Variants in SCGB2B2 observed in about 807,000 individuals in gnomAD.
The protein encoded by SCGB2B2 is secretoglobin-like protein.
Under a neutral mutation model 7.6 loss-of-function variants are expected in SCGB2B2, and 11 were observed. That is an observed-to-expected ratio of 1.45 (90% CI 0.91 to 2.40). The LOEUF is 2.40. SCGB2B2 is among the 30% of genes most tolerant of loss of function. The pLI, the probability that SCGB2B2 is intolerant of heterozygous loss-of-function variation, is 0.00. For synonymous variants in SCGB2B2, 50 were observed against 48.6 expected, an observed-to-expected ratio of 1.03 and a Z score of -0.12; for missense variants, 104 against 115.4, an observed-to-expected ratio of 0.90 and a Z score of 0.45.
chr19:34,668,149 GCC>G, intron 1 of SCGB2B2, among the ~76,000 whole-genome samples: 1 of 152,310 alleles, frequency 6.6e-6, no homozygotes, highest in Admixed American at 6.5e-5. Flanking sequence ...TTCTGGGCTG[GCC>G]AAGGCGGGAG....
At chr19:34,607,481 G>A (rs2065813682) in intron 1 of SCGB2B2, among the ~76,000 whole-genome samples, 1 of 152,140 alleles carries the variant, frequency 6.6e-6, no homozygotes, top group Non-Finnish European at 1.5e-5. Flanking sequence ...TGGGATTTCT[G>A]GATCATACGG....
intron 1 of SCGB2B2, among the ~76,000 whole-genome samples, chr19:34,624,151 G>A (rs1046279941): frequency 2.0e-5 from 3 of 152,196 alleles, no homozygotes; most frequent in South Asian, 2.1e-4. Flanking sequence ...TAGGCAGAGA[G>A]GTGTGGGGCT....
At position 34,614,828 on chromosome 19, in the gene SCGB2B2, A is replaced by T. The variant is rs182561550; in HGVS notation, c.-2031-18234T>A. The stretch of plus-strand genomic sequence containing the variant: ...TGGCAAGAAATTGGTGACTGTTTCC[A>T]AATTAGTATAGTGGTATGGTCTACA... On this transcript the variant is annotated intron_variant, in intron 1 of 3. Transcript: ENST00000601241. 1.7e-4 allele frequency among the ~76,000 whole-genome samples: 26 copies of T among 152,306 alleles called. No individual in the cohort carries two copies. The East Asian group carries it at 4.8e-3, about 28-fold the overall frequency.
At chr19:34,599,697 C>A (rs1176942817) in intron 1 of SCGB2B2, among the ~76,000 whole-genome samples, 6 of 152,070 alleles carry the variant, frequency 3.9e-5, no homozygotes, top group Non-Finnish European at 8.8e-5. Flanking sequence ...AACCATATCA[C>A]CATCCTCTCT....
chr19:34,597,847 C>T (rs990311444), intron 1 of SCGB2B2, among the ~76,000 whole-genome samples: 2 of 152,166 alleles, frequency 1.3e-5, no homozygotes, highest in African/African-American at 4.8e-5. Context: ...ATGATGGGGC[C>T]GGTGTGGGGG....
At chr19:34,594,459 GC>G in intron 2 of SCGB2B2, 43 bp downstream of exon 2, 2 of 1,606,382 alleles carry the variant, frequency 1.2e-6, no homozygotes, top group Non-Finnish European at 1.7e-6. Context: ...GAGTGAAGGA[GC>G]AGGGCCACCG....
At chr19:34,588,852 G>GAGAAGGAGAACTTGA (rs1320074582), downstream of SCGB2B2, among the ~76,000 whole-genome samples, 3 of 152,168 alleles carry the variant, frequency 2.0e-5, no homozygotes, top group South Asian at 2.1e-4. Flanking sequence ...TCTTGACTTG[G>GAGAAGGAGAACTTGA]AGAAGGAGAC....
At chr19:34,660,474 G>A (rs2067422040) in intron 1 of SCGB2B2, among the ~76,000 whole-genome samples, 1 of 152,156 alleles carries the variant, frequency 6.6e-6, no homozygotes, top group African/African-American at 2.4e-5. Context: ...AGTGGGCAAA[G>A]GATATGACCA....
rs932391299 is a variant in SCGB2B2 at position 34,644,032 on chromosome 19, T to A, written c.-2032+31598A>T. On this transcript the variant is annotated intron_variant, in intron 1 of 3. Coordinates refer to ENST00000601241, the MANE Select transcript of SCGB2B2 (RefSeq NM_001025591.4). ...TAACATTTATACCTTTATGAGTATA[T>A]CAACAACAGAAGATTTGTGATTTGT... Among the ~76,000 whole-genome samples the A allele has an allele frequency of 4.6e-5, 7 of 152,290 alleles. No individual in the cohort carries two copies. The East Asian group carries it at 1.4e-3, about 29-fold the overall frequency.
chr19:34,656,105 G>A (rs2067274717), intron 1 of SCGB2B2, among the ~76,000 whole-genome samples: 1 of 151,212 alleles, frequency 6.6e-6, no homozygotes, highest in Non-Finnish European at 1.5e-5. Flanking sequence ...TTCTATGCAA[G>A]ATATTGGCAA....
At chr19:34,666,621 G>T (rs2067631678) in intron 1 of SCGB2B2, among the ~76,000 whole-genome samples, 1 of 152,128 alleles carries the variant, frequency 6.6e-6, no homozygotes, top group African/African-American at 2.4e-5. Context: ...ACGCCCACCG[G>T]GCCTGCCCCC....
In SCGB2B2 at chr19:34,596,446, T is replaced by C. The variant is rs79551807; in HGVS notation, c.-1883A>G. 2,721 of 152,786 alleles carry C rather than the reference T, an allele frequency of 0.018. 66 individuals are homozygous for C. Among genetic ancestry groups the C allele is most frequent in the East Asian group, 0.13 (650 of 5,160 alleles). The allele number at this position is 152,786 out of a possible 1,614,324, so 9.5% of individuals were successfully genotyped here. On this transcript the variant is annotated 5_prime_UTR_variant, in exon 2 of 4. Transcript: ENST00000601241. ...AGGCTTGGGTGCACGTGTGTGAGAA[T>C]GGGATTTTGTGTGTGTGTGAGTGGA...
chr19:34,617,996 C>A (rs2066136009), intron 1 of SCGB2B2, among the ~76,000 whole-genome samples: 1 of 152,250 alleles, frequency 6.6e-6, no homozygotes, highest in Non-Finnish European at 1.5e-5. Context: ...TCGGCTCGTG[C>A]ACGGTGCGTG....
At chr19:34,609,333 G>C (rs999977845) in intron 1 of SCGB2B2, among the ~76,000 whole-genome samples, 2 of 151,774 alleles carry the variant, frequency 1.3e-5, no homozygotes, top group African/African-American at 2.4e-5. Flanking sequence ...GTTTGTTATA[G>C]TCCTGTTTAT....
intron 1 of SCGB2B2, among the ~76,000 whole-genome samples, chr19:34,658,987 A>T (rs1600068289): frequency 6.6e-6 from 1 of 152,326 alleles, no homozygotes; most frequent in East Asian, 1.9e-4. Context: ...GGTTCAACAT[A>T]CACAAATCAA....
intron 1 of SCGB2B2, among the ~76,000 whole-genome samples, chr19:34,631,126 A>T (rs4806033): frequency 5.9e-5 from 3 of 50,430 alleles, no homozygotes; most frequent in African/African-American, 2.4e-4. Flanking sequence ...GGGTGGGGGG[A>T]GGGGGGAGGG....
chr19:34,633,501 T>A lies in SCGB2B2; in HGVS notation c.-2031-36907A>T, dbSNP rs1287614906. ...GGAATCTCAAAATAATTATGCTGAG[T>A]GAGAAAAAAGCAAAAAACAGCATTT... On this transcript the variant is annotated intron_variant, in intron 1 of 3. Coordinates refer to ENST00000601241, the MANE Select transcript of SCGB2B2 (RefSeq NM_001025591.4). 2.0e-5 allele frequency among the ~76,000 whole-genome samples: 3 copies of A among 151,930 alleles called. No homozygotes were observed. In the East Asian group the frequency reaches 5.8e-4, roughly 29 times the overall value.
At chr19:34,635,252 T>C in intron 1 of SCGB2B2, 1 of 279,924 alleles carries the variant, frequency 3.6e-6, no homozygotes, top group South Asian at 4.6e-5. Context: ...TTCGCACATT[T>C]GCTGCACTCC....
intron 1 of SCGB2B2, among the ~76,000 whole-genome samples, chr19:34,655,163 C>G (rs2067251230): frequency 6.6e-6 from 1 of 151,174 alleles, no homozygotes; most frequent in Non-Finnish European, 1.5e-5. Flanking sequence ...AATGGCATTC[C>G]AAAGTTAACC....
Sources: allele counts gnomAD v4.1 joint callset (sites outside exome capture counted in the v4.1 genomes callset), GRCh38; gene constraint gnomAD v4.1.1; transcripts MANE v1.5; gene names NCBI Gene and HGNC (gene_info 2026-07-23, HGNC 2026-07-21).